NHSL1: variants seen among roughly 807,000 people sequenced by gnomAD.
NHSL1 encodes the protein NHS like 1.
Under a neutral mutation model 95.0 loss-of-function variants are expected in NHSL1, and 48 were observed. The ratio of observed to expected loss-of-function variants is 0.51; its 90% CI spans 0.40 to 0.64. NHSL1 has a LOEUF of 0.64. Ranked by LOEUF, NHSL1 falls within the 30% of genes least tolerant of loss-of-function variation. NHSL1 has a pLI of 0.00. For synonymous variants in NHSL1, 783 were observed against 833.9 expected (o/e 0.94, Z 1.05); for missense variants, 1,971 against 2,077.7 (o/e 0.95, Z 1.00).
intron 1 of NHSL1, among the ~76,000 whole-genome samples, chr6:138,551,120 T>C (rs1782986229): frequency 6.6e-6 from 1 of 152,242 alleles, no homozygotes; most frequent in South Asian, 2.1e-4. Flanking sequence ...TATTTTGTTA[T>C]AGTTATGTTG....
chr6:138,448,453 G>A (rs540292882), intron 3 of NHSL1, among the ~76,000 whole-genome samples: 88 of 152,270 alleles, frequency 5.8e-4, no homozygotes, highest in African/African-American at 2.0e-3. Flanking sequence ...TAAAAAGTCA[G>A]TGAACCTTCC....
At chr6:138,592,598 G>A (rs556567115) in intron 1 of NHSL1, among the ~76,000 whole-genome samples, 9 of 143,530 alleles carry the variant, frequency 6.3e-5, no homozygotes, top group South Asian at 4.5e-4. Context: ...CGAGACTGTC[G>A]CACAAAAAAA....
chr6:138,537,963 A>AT (rs1249947261), intron 1 of NHSL1, among the ~76,000 whole-genome samples: 1 of 152,200 alleles, frequency 6.6e-6, no homozygotes, highest in African/African-American at 2.4e-5. Context: ...TGACTGGCAC[A>AT]TGGTAAGTGC....
chr6:138,502,837 C>G (rs1289626145), upstream of NHSL1, among the ~76,000 whole-genome samples: 1 of 152,094 alleles, frequency 6.6e-6, no homozygotes, highest in Non-Finnish European at 1.5e-5. Flanking sequence ...TTGATAAACT[C>G]CTTAGAACAG....
chr6:138,528,817 C>T (rs1442187695), intron 1 of NHSL1, among the ~76,000 whole-genome samples: 2 of 152,084 alleles, frequency 1.3e-5, no homozygotes, highest in Non-Finnish European at 2.9e-5. Context: ...ACAGTATTTC[C>T]GGAATGAAGT....
intron 1 of NHSL1, among the ~76,000 whole-genome samples, chr6:138,600,888 T>C (rs1003559792): frequency 6.6e-6 from 1 of 152,236 alleles, no homozygotes; most frequent in African/African-American, 2.4e-5. Context: ...TAACATGATA[T>C]ATCTACAAAA....
In NHSL1 at chr6:138,483,928, T is replaced by C. The variant is rs193057525; in HGVS notation, c.212-10495A>G. Among the ~76,000 whole-genome samples the C allele has an allele frequency of 1.3e-3, 196 of 152,262 alleles. 1 individual carries two copies. Among genetic ancestry groups the C allele is most frequent in the African/African-American group, 4.3e-3 (177 of 41,542 alleles). On this transcript the variant is annotated intron_variant, in intron 2 of 7. Coordinates refer to ENST00000343505, the MANE Select transcript of NHSL1 (RefSeq NM_001144060.2). ...GTGATGGCCCCATTGGTCACCCAGG[T>C]AGATTTTATCCTCAGCCACATTTTC...
chr6:138,691,421 A>C (rs1436346302), intron 1 of NHSL1, among the ~76,000 whole-genome samples: 1 of 152,244 alleles, frequency 6.6e-6, no homozygotes, highest in African/African-American at 2.4e-5. Flanking sequence ...TTGAACTCTT[A>C]GGCTGTAAGG....
At chr6:138,504,106 A>C (rs1562334034), upstream of NHSL1, among the ~76,000 whole-genome samples, 4 of 152,084 alleles carry the variant, frequency 2.6e-5, no homozygotes, top group Admixed American at 1.3e-4. Flanking sequence ...GTGGTGGTTC[A>C]TGCCTGTAGT....
chr6:138,600,946 A>G (rs1354837161), intron 1 of NHSL1, among the ~76,000 whole-genome samples: 1 of 152,256 alleles, frequency 6.6e-6, no homozygotes, highest in African/African-American at 2.4e-5. Context: ...GGCTGCCTGC[A>G]TTTCTAAATC....
intron 1 of NHSL1, among the ~76,000 whole-genome samples, chr6:138,622,138 C>T (rs1296757614): frequency 6.6e-6 from 1 of 152,062 alleles, no homozygotes; most frequent in Non-Finnish European, 1.5e-5. Context: ...AAGAAATCAT[C>T]AAGGAAGGAT....
At chr6:138,650,472 G>A (rs1785075977) in intron 1 of NHSL1, 3 of 949,288 alleles carry the variant, frequency 3.2e-6, no homozygotes. Context: ...GATGGCCAGG[G>A]CCTGGTGGAG....
rs1562270847 is a variant in NHSL1 at position 138,437,437 on chromosome 6, C to CA, written c.665-3758dup. 5.6e-4 allele frequency among the ~76,000 whole-genome samples: 21 copies of CA among 37,348 alleles called. 1 individual carries two copies. The highest frequency in any genetic ancestry group is 7.5e-4 in the Non-Finnish European group (14 of 18,554). The allele number at this position is 37,348 out of a possible 152,430, so 24.5% of individuals were successfully genotyped here. On this transcript the variant is annotated intron_variant, in intron 5 of 7. Transcript: ENST00000343505. ...ATACACACACACACACACACACACA[C>CA]ACACACACAAAAAAAAAAAAAAAAA...
At chr6:138,448,173 T>C (rs188809422) in intron 3 of NHSL1, among the ~76,000 whole-genome samples, 6 of 152,246 alleles carry the variant, frequency 3.9e-5, no homozygotes, top group Non-Finnish European at 1.5e-5. Context: ...CCTTAAAAAG[T>C]GTAAGCAAGA....
upstream of NHSL1, among the ~76,000 whole-genome samples, chr6:138,500,965 T>C (rs60608756): frequency 0.042 from 6,356 of 152,278 alleles, 456 homozygotes; most frequent in African/African-American, 0.14. Flanking sequence ...AGTCAGATTA[T>C]GTGGCTGCCT....
chr6:138,470,763 C>CA (rs1327869544), intron 3 of NHSL1, among the ~76,000 whole-genome samples: 1 of 152,136 alleles, frequency 6.6e-6, no homozygotes, highest in East Asian at 1.9e-4. Flanking sequence ...GCTCTCCTCC[C>CA]ACAAACACCA....
At chr6:138,614,522 G>T (rs566365072) in intron 1 of NHSL1, among the ~76,000 whole-genome samples, 1 of 152,300 alleles carries the variant, frequency 6.6e-6, no homozygotes, top group Admixed American at 6.5e-5. Context: ...ATACAAGCAG[G>T]CCTTGTTCTA....
At chr6:138,476,334 T>C (rs1471423033) in intron 2 of NHSL1, among the ~76,000 whole-genome samples, 2 of 152,178 alleles carry the variant, frequency 1.3e-5, no homozygotes, top group African/African-American at 4.8e-5. Flanking sequence ...AATTAAATCA[T>C]ATAATTTGCA....
chr6:138,575,020 C>T (rs1423509259), upstream of NHSL1, among the ~76,000 whole-genome samples: 3 of 152,104 alleles, frequency 2.0e-5, no homozygotes, highest in East Asian at 5.8e-4. Flanking sequence ...CTCCCTCAGC[C>T]TCCCGAGTAG....
Sources: gnomAD v4.1 joint callset for allele counts (sites outside exome capture counted in the v4.1 genomes callset) on GRCh38, gnomAD v4.1.1 for gene constraint, MANE v1.5 for transcripts, NCBI Gene and HGNC (gene_info 2026-07-23, HGNC 2026-07-21) for gene names.